Variants in PTP4A2 observed in about 807,000 individuals in gnomAD.
PTP4A2 encodes protein tyrosine phosphatase 4A2, also known as protein tyrosine phosphatase type IVA 2.
A neutral mutation model predicts 22.9 loss-of-function variants in PTP4A2; 2 were observed. The observed-to-expected ratio is 0.09, with a 90% CI of 0.04 to 0.27. The LOEUF (loss-of-function observed/expected upper bound fraction) is 0.27. Ranked by LOEUF, PTP4A2 falls within the 10% of genes least tolerant of loss-of-function variation. The pLI, the probability that PTP4A2 is intolerant of heterozygous loss-of-function variation, is 1.00. For synonymous variants in PTP4A2, 68 were observed against 69.1 expected (o/e 0.98, Z 0.08); for missense variants, 103 against 205.1 (o/e 0.50, Z 3.04).
intron 1 of PTP4A2, among the ~76,000 whole-genome samples, chr1:31,936,066 G>A (rs1652922122): frequency 6.6e-6 from 1 of 151,794 alleles, no homozygotes; most frequent in Non-Finnish European, 1.5e-5. Flanking sequence ...TAGGATTACA[G>A]GTATGAGCCA....
intron 1 of PTP4A2, among the ~76,000 whole-genome samples, chr1:31,929,407 T>G (rs1652624576): frequency 6.6e-6 from 1 of 152,232 alleles, no homozygotes; most frequent in African/African-American, 2.4e-5. Flanking sequence ...CTAAATGGAT[T>G]CTATTCATCC....
At chr1:31,918,503 A>G (rs78681072) in intron 2 of PTP4A2, among the ~76,000 whole-genome samples, 4,089 of 152,290 alleles carry the variant, frequency 0.027, 183 homozygotes, top group African/African-American at 0.091. Flanking sequence ...AGGCAAGTAC[A>G]TTAGTTCCAC....
chr1:31,929,237 GCAGGTTAA>G (rs1652617178), intron 1 of PTP4A2, among the ~76,000 whole-genome samples: 1 of 152,032 alleles, frequency 6.6e-6, no homozygotes, highest in Non-Finnish European at 1.5e-5. Flanking sequence ...AAATTTAAAT[GCAGGTTAA>G]CAGCACTATG....
At position 31,919,345 on chromosome 1, in the gene PTP4A2, C is replaced by T. The variant is rs1569605969; in HGVS notation, c.-280G>A. The T allele has an allele frequency of 9.4e-6, 2 of 211,840 alleles. No individual in the cohort carries two copies. Among genetic ancestry groups the T allele is most frequent in the Non-Finnish European group, 1.9e-5 (2 of 104,686 alleles). 13.1% of individuals were successfully genotyped at this position (211,840 alleles called of 1,614,324 possible). A position where few individuals can be genotyped will look rare whatever the true frequency, so the allele number is the denominator to read the frequency against. ...GGACTCCAAAAAATCCAACTACATACAAAACTTAAGCAGCCTTTACTACAT... is the reference window on the plus strand; with the variant it reads ...GGACTCCAAAAAATCCAACTACATATAAAACTTAAGCAGCCTTTACTACAT... On this transcript the variant is annotated 5_prime_UTR_variant, in exon 2 of 6. Transcript: ENST00000647444.
At chr1:31,913,595 TG>T (rs1351374368) in intron 3 of PTP4A2, among the ~76,000 whole-genome samples, 1 of 152,152 alleles carries the variant, frequency 6.6e-6, no homozygotes, top group African/African-American at 2.4e-5. Flanking sequence ...TTTAATTTTT[TG>T]ATTACGGCCA....
chr1:31,932,746 G>C (rs2124269606), intron 1 of PTP4A2: 1 of 152,304 alleles, frequency 6.6e-6, no homozygotes, highest in South Asian at 2.1e-4. Context: ...TTCTTTCATG[G>C]AGGTGCTAGG....
chr1:31,913,440 T>C (rs559745411), intron 3 of PTP4A2, among the ~76,000 whole-genome samples: 2 of 152,340 alleles, frequency 1.3e-5, no homozygotes, highest in South Asian at 2.1e-4. Context: ...AGTAATGGGA[T>C]TGCTGGATCA....
At chr1:31,912,991 A>G (rs1313849322) in intron 3 of PTP4A2, 3 of 453,580 alleles carry the variant, frequency 6.6e-6, no homozygotes, top group Non-Finnish European at 1.3e-5. Context: ...CTTAGTCAAG[A>G]GCTTACTTCC....
Position 31,910,126 on chromosome 1 carries a change from C to A in PTP4A2, c.321-14G>T, listed in dbSNP as rs1335703534. 6.2e-7 allele frequency: 1 copy of A among 1,602,882 alleles called. No individual in the cohort carries two copies. The highest frequency in any genetic ancestry group is 8.5e-7 in the Non-Finnish European group (1 of 1,170,908). ...AGCACAGGTGCCCTGCAGAAAGAAA[C>A]CTGTATGTAAGTATCCATAAGTCTT... On this transcript the variant is annotated splice_polypyrimidine_tract_variant and intron_variant, in intron 4 of 5. Coordinates refer to ENST00000647444, the MANE Select transcript of PTP4A2 (RefSeq NM_080391.4).
chr1:31,909,892 G>C (rs1186471654), intron 5 of PTP4A2, 146 bp downstream of exon 5: 2 of 650,472 alleles, frequency 3.1e-6, no homozygotes, highest in African/African-American at 3.7e-5. Flanking sequence ...TCTATCACTT[G>C]CTCTAAATTT....
chr1:31,928,569 G>A (rs1044971086), intron 1 of PTP4A2, among the ~76,000 whole-genome samples: 4 of 151,802 alleles, frequency 2.6e-5, no homozygotes, highest in Admixed American at 6.6e-5. Flanking sequence ...GTATTGTGGC[G>A]CATGGCTGTA....
In PTP4A2 at chr1:31,906,763, C is replaced by CAT. The variant is rs1430182953; in HGVS notation, c.*2088_*2089insAT. 7.1e-6 allele frequency: 1 copy of CAT among 139,868 alleles called. No homozygotes were observed. The highest frequency in any genetic ancestry group is 7.2e-5 in the Admixed American group (1 of 13,868). 8.7% of individuals were successfully genotyped at this position (139,868 alleles called of 1,614,324 possible). On this transcript the variant is annotated 3_prime_UTR_variant, in exon 6 of 6. Coordinates refer to ENST00000647444, the MANE Select transcript of PTP4A2 (RefSeq NM_080391.4). ...ACACACACACACACACATACACACA[C>CAT]ACACACACACACACACACACACACC...
intron 3 of PTP4A2, among the ~76,000 whole-genome samples, chr1:31,915,079 A>G (rs1159136436): frequency 4.6e-5 from 7 of 152,204 alleles, no homozygotes; most frequent in Non-Finnish European, 8.8e-5. Flanking sequence ...TGTCTGATGG[A>G]AATTACTTTC....
chr1:31,929,971 T>G (rs1416916588), intron 1 of PTP4A2, among the ~76,000 whole-genome samples: 2 of 152,152 alleles, frequency 1.3e-5, no homozygotes, highest in African/African-American at 2.4e-5. Flanking sequence ...TTGAATCACC[T>G]TTCAAAATAA....
chr1:31,915,707 T>C (rs1651795103), intron 3 of PTP4A2, 188 bp downstream of exon 3: 2 of 405,478 alleles, frequency 4.9e-6, no homozygotes, highest in South Asian at 5.9e-5. Flanking sequence ...GCCCCACCAG[T>C]TTTTTAATTA....
chr1:31,916,882 T>C (rs1262721718), intron 2 of PTP4A2, among the ~76,000 whole-genome samples: 1 of 152,230 alleles, frequency 6.6e-6, no homozygotes, highest in Non-Finnish European at 1.5e-5. Flanking sequence ...AATTAAATGT[T>C]GTTAAATTCT....
intron 1 of PTP4A2, among the ~76,000 whole-genome samples, chr1:31,935,213 T>G (rs978534230): frequency 2.6e-5 from 4 of 152,206 alleles, no homozygotes; most frequent in African/African-American, 9.6e-5. Context: ...GCTGCTGCAT[T>G]TCTTTAATCA....
At chr1:31,926,662 T>G (rs1652479731) in intron 1 of PTP4A2, among the ~76,000 whole-genome samples, 1 of 152,132 alleles carries the variant, frequency 6.6e-6, no homozygotes, top group Non-Finnish European at 1.5e-5. Flanking sequence ...ATTCAAATAT[T>G]TACAGAACAT....
At chr1:31,921,067 T>C (rs1229025004) in intron 1 of PTP4A2, among the ~76,000 whole-genome samples, 1 of 152,230 alleles carries the variant, frequency 6.6e-6, no homozygotes, top group African/African-American at 2.4e-5. Flanking sequence ...GATCCAACAC[T>C]GTACTGACAG....
Sources: gnomAD v4.1 joint callset for allele counts (sites outside exome capture counted in the v4.1 genomes callset) on GRCh38, gnomAD v4.1.1 for gene constraint, MANE v1.5 for transcripts, NCBI Gene and HGNC (gene_info 2026-07-23, HGNC 2026-07-21) for gene names.